NPAS3: variants seen among roughly 807,000 people sequenced by gnomAD.
NPAS3 encodes neuronal PAS domain-containing protein 3.
A neutral mutation model predicts 73.1 loss-of-function variants in NPAS3; 14 were observed. That is an observed-to-expected ratio of 0.19 (90% CI 0.13 to 0.30). The LOEUF is 0.30. NPAS3 is among the 10% of genes least tolerant of loss of function. The probability of loss-of-function intolerance (pLI) is 1.00; values close to 1 mark genes in which losing one functional copy is unlikely to be tolerated. For synonymous variants in NPAS3, 620 were observed against 541.5 expected (o/e 1.14, Z -2.01); for missense variants, 1,096 against 1,250.0 (o/e 0.88, Z 1.86).
chr14:33,126,989 G>A (rs2139077707), intron 2 of NPAS3, among the ~76,000 whole-genome samples: 1 of 151,930 alleles, frequency 6.6e-6, no homozygotes, highest in East Asian at 1.9e-4. Context: ...TAGAACTGTA[G>A]TAGTATTATT....
chr14:33,608,385 TTA>T (rs1567050196), intron 5 of NPAS3: 1 of 152,208 alleles, frequency 6.6e-6, no homozygotes, highest in African/African-American at 2.4e-5. Context: ...GATCACAGTT[TTA>T]TAGAGTATGC....
chr14:33,164,753 C>G (rs1010565481), intron 2 of NPAS3, among the ~76,000 whole-genome samples: 1 of 151,940 alleles, frequency 6.6e-6, no homozygotes, highest in Non-Finnish European at 1.5e-5. Context: ...GGATAACTTT[C>G]CTGGGTACCC....
chr14:33,414,240 C>T (rs2048053820), intron 4 of NPAS3, among the ~76,000 whole-genome samples: 1 of 152,152 alleles, frequency 6.6e-6, no homozygotes, highest in Non-Finnish European at 1.5e-5. Flanking sequence ...CAAACATTCG[C>T]TTTCCCTCCT....
chr14:33,188,572 A>C (rs1170518300), intron 2 of NPAS3, among the ~76,000 whole-genome samples: 1 of 152,148 alleles, frequency 6.6e-6, no homozygotes, highest in Non-Finnish European at 1.5e-5. Context: ...CACATGTGGC[A>C]TTGCATCCCC....
chr14:32,959,255 T>G (rs779548773), intron 1 of NPAS3, among the ~76,000 whole-genome samples: 20 of 152,206 alleles, frequency 1.3e-4, no homozygotes, highest in Non-Finnish European at 2.4e-4. Flanking sequence ...TTTGCTTTGC[T>G]TCTTTTGCCC....
chr14:33,410,749 A>T (rs1391302241), intron 4 of NPAS3, among the ~76,000 whole-genome samples: 1 of 151,958 alleles, frequency 6.6e-6, no homozygotes, highest in East Asian at 1.9e-4. Flanking sequence ...AGGTTCAAGC[A>T]ATTCTCCTGC....
chr14:33,358,995 G>C (rs1203726249), intron 3 of NPAS3, among the ~76,000 whole-genome samples: 3 of 152,096 alleles, frequency 2.0e-5, no homozygotes, highest in Non-Finnish European at 4.4e-5. Flanking sequence ...AGAGTCTTGT[G>C]TCCCTTGGGC....
At chr14:33,134,339 C>A (rs970593082) in intron 2 of NPAS3, among the ~76,000 whole-genome samples, 1 of 152,032 alleles carries the variant, frequency 6.6e-6, no homozygotes, top group African/African-American at 2.4e-5. Flanking sequence ...CCCTTGATCT[C>A]AGCATGGCTT....
chr14:33,450,410 A>G (rs2049737315), intron 4 of NPAS3, among the ~76,000 whole-genome samples: 3 of 152,230 alleles, frequency 2.0e-5, no homozygotes, highest in Non-Finnish European at 1.5e-5. Flanking sequence ...CTCATAATCC[A>G]TAATCGTAGC....
intron 4 of NPAS3, among the ~76,000 whole-genome samples, chr14:33,384,416 TTTTTTAAAAAA>T (rs1410260858): frequency 6.6e-6 from 1 of 150,662 alleles, no homozygotes; most frequent in African/African-American, 2.4e-5. Flanking sequence ...GTTTCTGTGT[TTTTTTAAAAAA>T]AAAAAACAAA....
At chr14:33,786,992 AT>A (rs1452068176) in intron 9 of NPAS3, among the ~76,000 whole-genome samples, 2 of 152,094 alleles carry the variant, frequency 1.3e-5, no homozygotes, top group African/African-American at 2.4e-5. Context: ...CCTAGCCTTA[AT>A]TTTTTTAATT....
At chr14:33,599,263 T>C (rs577676686) in intron 5 of NPAS3, among the ~76,000 whole-genome samples, 1 of 152,348 alleles carries the variant, frequency 6.6e-6, no homozygotes, top group African/African-American at 2.4e-5. Context: ...TGAAACATTT[T>C]AATTTATAAT....
chr14:33,265,375 A>G (rs2049131109), intron 3 of NPAS3, among the ~76,000 whole-genome samples: 1 of 152,148 alleles, frequency 6.6e-6, no homozygotes, highest in Admixed American at 6.5e-5. Context: ...AAATTTTCTA[A>G]GGAGTCATAT....
chr14:33,338,105 C>G (rs980974097), intron 3 of NPAS3, among the ~76,000 whole-genome samples: 3 of 151,998 alleles, frequency 2.0e-5, no homozygotes, highest in Non-Finnish European at 2.9e-5. Context: ...ACCTCTAGTA[C>G]AGTGCTGAAG....
chr14:33,117,049 A>T (rs940738734), intron 2 of NPAS3, among the ~76,000 whole-genome samples: 1 of 152,130 alleles, frequency 6.6e-6, no homozygotes, highest in Non-Finnish European at 1.5e-5. Flanking sequence ...CTAATCCGTT[A>T]GTATTACAGC....
chr14:33,129,715 G>A (rs2043563872), intron 2 of NPAS3, among the ~76,000 whole-genome samples: 1 of 152,108 alleles, frequency 6.6e-6, no homozygotes, highest in South Asian at 2.1e-4. Context: ...CATAATAGGA[G>A]ATGTAGAAGT....
chr14:33,155,111 G>A, intron 2 of NPAS3, among the ~76,000 whole-genome samples: 1 of 152,212 alleles, frequency 6.6e-6, no homozygotes, highest in East Asian at 1.9e-4. Context: ...GCAGGGCATA[G>A]TTTGCTGATC....
intron 4 of NPAS3, among the ~76,000 whole-genome samples, chr14:33,376,591 C>T (rs1484131811): frequency 6.6e-6 from 1 of 152,180 alleles, no homozygotes; most frequent in African/African-American, 2.4e-5. Flanking sequence ...CAGTTAACCT[C>T]AGAGCCAGGG....
chr14:32,994,708 T>C (rs2038492289), intron 1 of NPAS3, among the ~76,000 whole-genome samples: 1 of 150,058 alleles, frequency 6.7e-6, no homozygotes, highest in Non-Finnish European at 1.5e-5. Flanking sequence ...CTCAGCTCAC[T>C]GTAACCTCCA....
Sources: gnomAD v4.1 joint callset for allele counts (sites outside exome capture counted in the v4.1 genomes callset) on GRCh38, gnomAD v4.1.1 for gene constraint, MANE v1.5 for transcripts, NCBI Gene and HGNC (gene_info 2026-07-23, HGNC 2026-07-21) for gene names.